Variants in CDH19 observed in about 807,000 individuals in gnomAD.
CDH19 encodes cadherin-19.
A neutral mutation model predicts 64.2 loss-of-function variants in CDH19; 67 were observed. The observed-to-expected ratio is 1.04, with a 90% CI of 0.86 to 1.28. The LOEUF (loss-of-function observed/expected upper bound fraction) is 1.28, where lower values mean the gene tolerates loss of function less well. CDH19 is among the 50% of genes most tolerant of loss of function. The pLI is 0.00. For synonymous variants in CDH19, 346 were observed against 319.3 expected, an observed-to-expected ratio of 1.08 and a Z score of -0.89; for missense variants, 1,030 against 929.0, an observed-to-expected ratio of 1.11 and a Z score of -1.41.
chr18:66,521,840 C>A (rs1156453386), intron 9 of CDH19, among the ~76,000 whole-genome samples: 2 of 151,402 alleles, frequency 1.3e-5, no homozygotes, highest in African/African-American at 2.4e-5. Context: ...TCAGCCATCA[C>A]CCCCTGCCTG....
rs774823923 is a variant in CDH19, at chr18:66,508,981, T to C, written c.1828+14A>G. The C allele has an allele frequency of 6.3e-7, 1 of 1,599,260 alleles. No individual in the cohort carries two copies. The highest frequency in any genetic ancestry group is 8.6e-7 in the Non-Finnish European group (1 of 1,167,858). ...ATAATGCAAATGAGAATAGCAATGA[T>C]GACTTCTACCTACCAAATATGATCA... is the stretch of plus-strand genomic sequence containing the variant. On this transcript the variant is annotated intron_variant, in intron 11 of 11. Coordinates refer to ENST00000262150, the MANE Select transcript of CDH19 (RefSeq NM_021153.4).
chr18:66,524,425 C>T (rs1031437835), intron 9 of CDH19, among the ~76,000 whole-genome samples: 7 of 151,184 alleles, frequency 4.6e-5, no homozygotes, highest in Admixed American at 1.3e-4. Context: ...TTGTATACTT[C>T]AAAATTTCTG....
Position 66,505,091 on chromosome 18 carries a change from G to C in CDH19, c.2040C>G (p.Ser680Arg). 6.2e-7 allele frequency: 1 copy of C among 1,613,572 alleles called. No individual in the cohort carries two copies. Among genetic ancestry groups the C allele is most frequent in the Non-Finnish European group, 8.5e-7 (1 of 1,179,736 alleles). Residue 680 changes from serine to arginine, a missense_variant, in exon 12 of 12, where the codon AGC (serine) becomes AGG (arginine). Transcript: ENST00000262150. ...CAACTTGCAAAGACTGCCTGTATAG[G>C]CTCCTGATCTCAGCGCTTGTGGTTT... ...TRKTTSAEIR[S>R]LYRQSLQVGP...
intron 1 of CDH19, among the ~76,000 whole-genome samples, chr18:66,591,932 AACT>A (rs1988759187): frequency 6.6e-6 from 1 of 151,840 alleles, no homozygotes; most frequent in Admixed American, 6.6e-5. Context: ...AGACCTACAG[AACT>A]ACTTTCCACG....
intron 1 of CDH19, among the ~76,000 whole-genome samples, chr18:66,601,739 A>G (rs1557335): frequency 0.34 from 51,089 of 151,526 alleles, 9,997 homozygotes; most frequent in Non-Finnish European, 0.45. Context: ...TCATTTGAAA[A>G]GGAAATTGAT....
chr18:66,541,664 T>C (rs1986891656), intron 7 of CDH19, among the ~76,000 whole-genome samples: 1 of 152,120 alleles, frequency 6.6e-6, no homozygotes. Context: ...TCCTAACATA[T>C]GTATGAAAAG....
At chr18:66,586,807 G>C (rs576864282) in intron 1 of CDH19, among the ~76,000 whole-genome samples, 86 of 152,182 alleles carry the variant, frequency 5.7e-4, no homozygotes, top group African/African-American at 2.0e-3. Flanking sequence ...TTAGAACAAT[G>C]TTAAGAAAAA....
intron 1 of CDH19, among the ~76,000 whole-genome samples, chr18:66,578,524 T>C (rs938353185): frequency 1.1e-4 from 17 of 151,828 alleles, no homozygotes; most frequent in African/African-American, 4.1e-4. Flanking sequence ...ACACTGCTAG[T>C]GTGAATGTAA....
chr18:66,545,273 G>A (rs944202130), intron 5 of CDH19, among the ~76,000 whole-genome samples: 3 of 151,862 alleles, frequency 2.0e-5, no homozygotes, highest in South Asian at 2.1e-4. Context: ...CCACCGTGCC[G>A]GGTCGCAATT....
Position 66,551,276 on chromosome 18 carries a change from A to C in CDH19, c.611-18T>G. ...TATGACTCCTTTAAAAATATAATAAAATTCCAATTATTTCATTATTAATCA... is the reference window on the plus strand; with the variant it reads ...TATGACTCCTTTAAAAATATAATAACATTCCAATTATTTCATTATTAATCA... On this transcript the variant is annotated intron_variant, in intron 4 of 11. Coordinates refer to ENST00000262150, the MANE Select transcript of CDH19 (RefSeq NM_021153.4). The C allele has an allele frequency of 8.3e-7, 1 of 1,198,998 alleles. No individual in the cohort carries two copies. The highest frequency in any genetic ancestry group is 1.2e-6 in the Non-Finnish European group (1 of 813,652). 74.3% of individuals were successfully genotyped at this position (1,198,998 alleles called of 1,614,324 possible).
At chr18:66,542,779 G>A (rs536377058) in intron 7 of CDH19, among the ~76,000 whole-genome samples, 1 of 152,116 alleles carries the variant, frequency 6.6e-6, no homozygotes, top group East Asian at 1.9e-4. Context: ...ATTGTCATAG[G>A]AGCATGAATC....
chr18:66,570,560 T>C (rs995326709), intron 2 of CDH19, among the ~76,000 whole-genome samples: 1 of 151,722 alleles, frequency 6.6e-6, no homozygotes, highest in Non-Finnish European at 1.5e-5. Flanking sequence ...GAGAGTTATC[T>C]TGAACGCAGC....
chr18:66,519,339 T>C (rs935439609), intron 9 of CDH19, among the ~76,000 whole-genome samples: 1 of 152,328 alleles, frequency 6.6e-6, no homozygotes, highest in Non-Finnish European at 1.5e-5. Flanking sequence ...TTCTTTCTTA[T>C]TTGTTTTTTA....
intron 11 of CDH19, 26 bp from the exon 12 acceptor site, chr18:66,505,328 TCAATAAA>T (rs749124656): frequency 2.0e-6 from 3 of 1,500,536 alleles, no homozygotes; most frequent in East Asian, 2.3e-5. Flanking sequence ...CATCAGAATA[TCAATAAA>T]CAATAAAGAG....
At chr18:66,546,047 A>G (rs1568190526) in intron 5 of CDH19, among the ~76,000 whole-genome samples, 1 of 152,174 alleles carries the variant, frequency 6.6e-6, no homozygotes, top group East Asian at 1.9e-4. Flanking sequence ...CCATGTTAAT[A>G]TATGACATTA....
chr18:66,535,348 A>G (rs553844505), intron 7 of CDH19, among the ~76,000 whole-genome samples: 2 of 151,666 alleles, frequency 1.3e-5, no homozygotes, highest in East Asian at 3.9e-4. Context: ...AAAATTAATG[A>G]TTGTGAATCT....
At chr18:66,573,923 A>AC (rs71169157) in intron 1 of CDH19, among the ~76,000 whole-genome samples, 2 of 144,518 alleles carry the variant, frequency 1.4e-5, no homozygotes, top group African/African-American at 2.8e-5. Flanking sequence ...ACACACACAC[A>AC]AGTATACATG....
Position 66,551,133 on chromosome 18 carries a change from G to A in CDH19, c.736C>T (p.Leu246Phe). ...GGCTTATTGTCATTAACATCTGAAA[G>A]TTTAATTAATACACTTGTTGTTCCA... The part of the protein sequence containing the change: ...LSGTTSVLIK[L>F]SDVNDNKPIF... Residue 246 changes from leucine (L) to phenylalanine (F), a missense_variant, in exon 5 of 12, where the codon CTT becomes TTT. Coordinates refer to ENST00000262150, the MANE Select transcript of CDH19 (RefSeq NM_021153.4). The A allele has an allele frequency of 6.2e-7, 1 of 1,606,322 alleles. No individual in the cohort carries two copies. The highest frequency in any genetic ancestry group is 8.5e-7 in the Non-Finnish European group (1 of 1,173,742).
intron 1 of CDH19, among the ~76,000 whole-genome samples, chr18:66,585,377 A>G (rs1988546697): frequency 1.3e-5 from 2 of 152,100 alleles, no homozygotes. Flanking sequence ...GCTGGAGATA[A>G]GAGTAGCACA....
Sources: allele counts gnomAD v4.1 joint callset (sites outside exome capture counted in the v4.1 genomes callset), GRCh38; gene constraint gnomAD v4.1.1; transcripts MANE v1.5; gene names NCBI Gene and HGNC (gene_info 2026-07-23, HGNC 2026-07-21).